Variants in OR51B5 observed in about 807,000 individuals in gnomAD.
OR51B5 encodes olfactory receptor family 51 subfamily B member 5.
For missense variants in OR51B5, 456 were observed against 374.6 expected (o/e 1.22, Z -1.79); for synonymous variants, 186 against 144.8 (o/e 1.28, Z -2.04).
At chr11:5,414,705 G>T (rs1412990690) in intron 1 of OR51B5, among the ~76,000 whole-genome samples, 1 of 152,160 alleles carries the variant, frequency 6.6e-6, no homozygotes, top group Non-Finnish European at 1.5e-5. Flanking sequence ...ATGGTAAAGG[G>T]ATCAATTCAA....
intron 1 of OR51B5, chr11:5,362,780 CT>C: frequency 4.5e-6 from 1 of 224,074 alleles, no homozygotes; most frequent in Non-Finnish European, 9.2e-6. Context: ...AGAGTATCTC[CT>C]TGGTGGCCTC....
rs539632873 is a variant in OR51B5, at chr11:5,446,877, C to T, written n.84+58692G>A. Among the ~76,000 whole-genome samples the T allele has an allele frequency of 6.6e-4, 100 of 152,242 alleles. 3 individuals carry two copies. The South Asian group carries it at 0.018, about 27-fold the overall frequency. On this transcript the variant is annotated intron_variant and non_coding_transcript_variant, in intron 1 of 4. Coordinates refer to the OR51B5 transcript ENST00000415970. The stretch of plus-strand genomic sequence containing the variant: ...AAGAGGCATTGATCCTACTTCAGTG[C>T]GTAAGGTTTTAGGGATATGGGGATA...
chr11:5,487,971 T>C (rs1447109129), intron 1 of OR51B5, among the ~76,000 whole-genome samples: 1 of 151,634 alleles, frequency 6.6e-6, no homozygotes, highest in Non-Finnish European at 1.5e-5. Flanking sequence ...GATATATATA[T>C]ACAAAAGTGA....
chr11:5,369,676 C>T (rs1241693004), intron 1 of OR51B5, among the ~76,000 whole-genome samples: 1 of 152,082 alleles, frequency 6.6e-6, no homozygotes, highest in East Asian at 1.9e-4. Context: ...TTATAATCTG[C>T]CATACATTTC....
intron 1 of OR51B5, chr11:5,430,785 A>G (rs551603421): frequency 2.2e-6 from 1 of 457,320 alleles, no homozygotes; most frequent in East Asian, 7.0e-5. Flanking sequence ...GTGTGTGGAC[A>G]ATGGGAGAAG....
chr11:5,354,655 G>T, intron 1 of OR51B5: 1 of 160,454 alleles, frequency 6.2e-6, no homozygotes, highest in Non-Finnish European at 1.4e-5. Flanking sequence ...CAGCCACACT[G>T]AGCGCTCAGC....
intron 1 of OR51B5, chr11:5,441,093 T>C (rs1850680959): frequency 6.2e-7 from 1 of 1,613,972 alleles, no homozygotes; most frequent in Non-Finnish European, 8.5e-7. Context: ...CAATATACGG[T>C]TGTGAGTGAG....
intron 1 of OR51B5, among the ~76,000 whole-genome samples, chr11:5,364,109 AAGGAAG>A (rs1371066882): frequency 1.3e-5 from 2 of 152,232 alleles, no homozygotes; most frequent in African/African-American, 4.8e-5. Flanking sequence ...AGATTCAATA[AAGGAAG>A]AGGTATCTCA....
chr11:5,462,106 AAT>A (rs1430476487), intron 1 of OR51B5, among the ~76,000 whole-genome samples: 4 of 152,184 alleles, frequency 2.6e-5, no homozygotes, highest in Non-Finnish European at 4.4e-5. Flanking sequence ...GTGTGGAAAA[AAT>A]ATGTGAATAA....
chr11:5,366,921 T>A (rs549139276), intron 1 of OR51B5, among the ~76,000 whole-genome samples: 1 of 152,294 alleles, frequency 6.6e-6, no homozygotes, highest in African/African-American at 2.4e-5. Flanking sequence ...AAAGTTTTAG[T>A]CCCTGCCTGG....
At chr11:5,424,369 A>G (rs1342874770) in intron 1 of OR51B5, among the ~76,000 whole-genome samples, 1 of 150,218 alleles carries the variant, frequency 6.7e-6, no homozygotes, top group East Asian at 2.4e-4. Flanking sequence ...ACAAACAAAC[A>G]AACAAAAAAA....
chr11:5,478,096 G>A (rs1474619909), intron 1 of OR51B5, among the ~76,000 whole-genome samples: 1 of 151,896 alleles, frequency 6.6e-6, no homozygotes, highest in Non-Finnish European at 1.5e-5. Context: ...AACCTCTGCA[G>A]ACTTCAATGT....
chr11:5,505,409 C>G (rs1298966920), intron 1 of OR51B5: 15 of 1,304,174 alleles, frequency 1.2e-5, no homozygotes, highest in Non-Finnish European at 1.4e-5. Context: ...CCTAGCACCA[C>G]CATAAACAAT....
intron 1 of OR51B5, among the ~76,000 whole-genome samples, chr11:5,494,155 C>A (rs1405174423): frequency 2.0e-5 from 3 of 152,180 alleles, no homozygotes; most frequent in Non-Finnish European, 4.4e-5. Context: ...CCAGTGGAAT[C>A]AGATATCCAA....
chr11:5,402,121 C>G (rs1396296489), intron 1 of OR51B5, among the ~76,000 whole-genome samples: 1 of 152,006 alleles, frequency 6.6e-6, no homozygotes, highest in Non-Finnish European at 1.5e-5. Flanking sequence ...AAGTGATCTT[C>G]CCACCTCAGC....
chr11:5,359,437 A>G (rs76682183), intron 1 of OR51B5, among the ~76,000 whole-genome samples: 1,999 of 93,354 alleles, frequency 0.021, 67 homozygotes, highest in Middle Eastern at 0.041. Context: ...AACTTACAAG[A>G]GAGGTGAAGG....
chr11:5,391,310 G>A (rs1326497952), intron 1 of OR51B5: 1 of 152,118 alleles, frequency 6.6e-6, no homozygotes, highest in Non-Finnish European at 1.5e-5. Flanking sequence ...CTTTCCAATG[G>A]TAAAGCACCA....
chr11:5,499,504 C>T (rs918642102), intron 1 of OR51B5, among the ~76,000 whole-genome samples: 2 of 152,118 alleles, frequency 1.3e-5, no homozygotes, highest in African/African-American at 4.8e-5. Flanking sequence ...TCTGAATATG[C>T]CCAGAACTTA....
intron 1 of OR51B5, among the ~76,000 whole-genome samples, chr11:5,349,921 G>C (rs1849050838): frequency 6.6e-6 from 1 of 151,884 alleles, no homozygotes; most frequent in Non-Finnish European, 1.5e-5. Flanking sequence ...TTTATCTGCT[G>C]ATTAGAGAAA....
Sources: gnomAD v4.1 joint callset for allele counts (sites outside exome capture counted in the v4.1 genomes callset) on GRCh38, gnomAD v4.1.1 for gene constraint, MANE v1.5 for transcripts, NCBI Gene and HGNC (gene_info 2026-07-23, HGNC 2026-07-21) for gene names.